ZNF514: variants seen among roughly 807,000 people sequenced by gnomAD.
The protein encoded by ZNF514 is zinc finger protein 514.
ZNF514 carries 12 observed loss-of-function variants against 9.7 expected under a neutral mutation model. The ratio of observed to expected loss-of-function variants is 1.24; its 90% CI spans 0.79 to 2.01. The LOEUF (loss-of-function observed/expected upper bound fraction) is 2.01, where lower values mean the gene tolerates loss of function less well. ZNF514 is among the 30% of genes most tolerant of loss of function. The probability of loss-of-function intolerance (pLI) is 0.00; values close to 1 mark genes in which losing one functional copy is unlikely to be tolerated. For missense variants in ZNF514, 467 were observed against 465.5 expected (o/e 1.00, Z -0.03); for synonymous variants, 158 against 163.7 (o/e 0.97, Z 0.27).
chr2:95,144,109 CTGCT>C (rs1673308417), downstream of ZNF514, among the ~76,000 whole-genome samples: 1 of 152,176 alleles, frequency 6.6e-6, no homozygotes. Context: ...TGATAGCACT[CTGCT>C]TGGAGTCTGT....
intron 1 of ZNF514, among the ~76,000 whole-genome samples, chr2:95,158,612 G>C (rs963542945): frequency 6.6e-6 from 1 of 152,200 alleles, no homozygotes; most frequent in Non-Finnish European, 1.5e-5. Flanking sequence ...TGGCCCTATC[G>C]TCCTCTGATC....
chr2:95,133,700 T>A, the ZNF514 span, among the ~76,000 whole-genome samples: 12 of 152,332 alleles, frequency 7.9e-5, no homozygotes, highest in East Asian at 2.3e-3. Context: ...GCATTTACAT[T>A]GTATCAGGTG....
intron 4 of ZNF514, among the ~76,000 whole-genome samples, chr2:95,150,702 T>C (rs1405472127): frequency 6.6e-6 from 1 of 152,240 alleles, no homozygotes; most frequent in Admixed American, 6.5e-5. Context: ...CCAGTCTTCC[T>C]ACCTCCAGGT....
the ZNF514 span, among the ~76,000 whole-genome samples, chr2:95,125,743 A>C: frequency 6.6e-6 from 1 of 152,232 alleles, no homozygotes; most frequent in African/African-American, 2.4e-5. Context: ...TATTTCACTT[A>C]GCATGTTGTT....
At chr2:95,150,624 G>A (rs1673511850) in intron 4 of ZNF514, among the ~76,000 whole-genome samples, 1 of 152,280 alleles carries the variant, frequency 6.6e-6, no homozygotes, top group East Asian at 1.9e-4. Flanking sequence ...AGGATCGTAA[G>A]TCACCCAGGT....
At chr2:95,158,729 A>T in intron 1 of ZNF514, 1 of 1,014,032 alleles carries the variant, frequency 9.9e-7, no homozygotes, top group South Asian at 1.7e-5. Context: ...ACAATTTTCC[A>T]TGGCCATCCC....
At chr2:95,124,623 C>T in the ZNF514 span, among the ~76,000 whole-genome samples, 6 of 151,880 alleles carry the variant, frequency 4.0e-5, no homozygotes, top group Admixed American at 3.9e-4. Flanking sequence ...GCCTCAGTCT[C>T]CTGATTAGCT....
chr2:95,124,490 ATTTTCC>A, the ZNF514 span, among the ~76,000 whole-genome samples: 675 of 151,472 alleles, frequency 4.5e-3, 4 homozygotes, highest in Non-Finnish European at 6.6e-3. Context: ...TTTTATTTTT[ATTTTCC>A]TTTTCCTTTT....
Position 95,159,793 on chromosome 2 carries a change from G to A in ZNF514, c.-649C>T, listed in dbSNP as rs1673814209. ...GTCCCGAGCTTGCGCAGACGCGGCC[G>A]CCGCCGGGGCCCTTCAGAGCCAGCG... On this transcript the variant is annotated 5_prime_UTR_variant, in exon 1 of 5. Transcript: ENST00000295208. Among the ~76,000 whole-genome samples, 1 of 151,038 alleles carries A rather than the reference G, an allele frequency of 6.6e-6. No individual in the cohort carries two copies. Among genetic ancestry groups the A allele is most frequent in the Non-Finnish European group, 1.5e-5 (1 of 67,684 alleles).
the ZNF514 span, among the ~76,000 whole-genome samples, chr2:95,138,131 C>A: frequency 6.6e-6 from 1 of 152,342 alleles, no homozygotes; most frequent in South Asian, 2.1e-4. Context: ...AACCTCTTTT[C>A]CTTACAAATT....
the ZNF514 span, among the ~76,000 whole-genome samples, chr2:95,136,435 T>C: frequency 2.0e-5 from 3 of 151,992 alleles, no homozygotes; most frequent in East Asian, 5.8e-4. Context: ...TTAGTAGAGA[T>C]GGGGTTTCAC....
In ZNF514 at chr2:95,145,430, T is replaced by C. The variant is rs1480308267; in HGVS notation, c.*3852A>G. Among the ~76,000 whole-genome samples the C allele has an allele frequency of 2.0e-5, 3 of 152,198 alleles. No individual in the cohort carries two copies. The highest frequency in any genetic ancestry group is 2.9e-5 in the Non-Finnish European group (2 of 68,028). ...GAAATCTAAGTATTTTATCCTAAAA[T>C]AAATTTCTCTTAAGTCTGATAAGAA... On this transcript the variant is annotated 3_prime_UTR_variant, in exon 5 of 5. Coordinates refer to ENST00000295208, the MANE Select transcript of ZNF514 (RefSeq NM_032788.3).
Position 95,149,840 on chromosome 2 carries a change from G to T in ZNF514, c.645C>A (p.Phe215Leu), listed in dbSNP as rs770952200. Residue 215 changes from phenylalanine (F) to leucine (L), a missense_variant, in exon 5 of 5, where the codon TTC (phenylalanine) becomes TTA (leucine). Transcript: ENST00000295208. ...GCTGATGGCGCCTAAGTTCTGACTG[G>T]AAGTGAAAGGACTTCCCACACTCAT... is the stretch of plus-strand genomic sequence containing the variant. ...KCNECGKSFH[F>L]QSELRRHQRC... The T allele has an allele frequency of 1.2e-6, 2 of 1,614,226 alleles. No individual in the cohort carries two copies. The highest frequency in any genetic ancestry group is 1.7e-6 in the Non-Finnish European group (2 of 1,180,040).
At chr2:95,126,242 A>C in the ZNF514 span, among the ~76,000 whole-genome samples, 1 of 151,802 alleles carries the variant, frequency 6.6e-6, no homozygotes, top group African/African-American at 2.4e-5. Flanking sequence ...GTAGTGGCGC[A>C]CACTTGTAAT....
Position 95,149,593 on chromosome 2 carries a change from CAA to C in ZNF514, c.890_891del (p.Phe297TrpfsTer8). ...PYKCNECGRA[F>X]GHTSSLIKHQ... Reference sequence around the variant, plus strand: ...TGCTTAATAAGGGATGAAGTGTGACCAAAGGCTCGTCCACATTCATTACATTT... The same window carrying C: ...TGCTTAATAAGGGATGAAGTGTGACCAGGCTCGTCCACATTCATTACATTT... On this transcript the variant is annotated frameshift_variant, in exon 5 of 5. Transcript: ENST00000295208. LOFTEE classifies it low-confidence loss of function (END_TRUNC). The C allele has an allele frequency of 6.2e-7, 1 of 1,613,948 alleles. No individual in the cohort carries two copies. The highest frequency in any genetic ancestry group is 8.5e-7 in the Non-Finnish European group (1 of 1,179,972).
At chr2:95,154,309 G>A (rs977534624) in intron 2 of ZNF514, 1 of 152,250 alleles carries the variant, frequency 6.6e-6, no homozygotes, top group African/African-American at 2.4e-5. Flanking sequence ...TGGGCAAGAG[G>A]GAACCTTTCA....
chr2:95,159,404 G>C lies in ZNF514; in HGVS notation c.-260C>G, dbSNP rs1673778543. The C allele has an allele frequency of 6.1e-6, 1 of 164,306 alleles. No homozygotes were observed. Among genetic ancestry groups the C allele is most frequent in the Non-Finnish European group, 1.3e-5 (1 of 75,724 alleles). The allele number at this position is 164,306 out of a possible 1,614,324, so 10.2% of individuals were successfully genotyped here. On this transcript the variant is annotated 5_prime_UTR_variant, in exon 1 of 5. Transcript: ENST00000295208. ...CGGAAACAGCAGGGATTCGGTGAGA[G>C]CCTCACAGGAGCAGGGACCGACTCT...
chr2:95,149,772 C>A lies in ZNF514; in HGVS notation c.713G>T (p.Gly238Val). Residue 238 changes from glycine to valine, a missense_variant, in exon 5 of 5, where the codon GGA (glycine) becomes GTA (valine). Transcript: ENST00000295208. Reference protein sequence around the residue: ...GEKPYECSDCGRAFGHISSLI... With the variant: ...GEKPYECSDCVRAFGHISSLI... Reference sequence around the variant, plus strand: ...GGATGAAATATGACCAAAGGCTCTTCCACAGTCACTGCATTCATACGGCTT... The same window carrying A: ...GGATGAAATATGACCAAAGGCTCTTACACAGTCACTGCATTCATACGGCTT... 6.2e-7 allele frequency: 1 copy of A among 1,614,256 alleles called. No homozygotes were observed. The highest frequency in any genetic ancestry group is 8.5e-7 in the Non-Finnish European group (1 of 1,180,044).
chr2:95,144,725 G>T (rs1050203904), downstream of ZNF514, among the ~76,000 whole-genome samples: 5 of 152,146 alleles, frequency 3.3e-5, no homozygotes, highest in African/African-American at 9.7e-5. Context: ...GAGAATTCCT[G>T]AATTTGTAAC....
Sources: gnomAD v4.1 joint callset for allele counts (sites outside exome capture counted in the v4.1 genomes callset) on GRCh38, gnomAD v4.1.1 for gene constraint, MANE v1.5 for transcripts, NCBI Gene and HGNC (gene_info 2026-07-23, HGNC 2026-07-21) for gene names.